The following LRP1B variants were observed in gnomAD, a reference collection of about 807,000 sequenced individuals.
The protein encoded by LRP1B is low-density lipoprotein receptor-related protein 1B.
Under a neutral mutation model 556.6 loss-of-function variants are expected in LRP1B, and 217 were observed. The ratio of observed to expected loss-of-function variants is 0.39; its 90% CI spans 0.35 to 0.44. The LOEUF (loss-of-function observed/expected upper bound fraction) is 0.44. LRP1B is among the 20% of genes least tolerant of loss of function. The probability of loss-of-function intolerance (pLI) is 1.00; values close to 1 mark genes in which losing one functional copy is unlikely to be tolerated. For synonymous variants in LRP1B, 2,047 were observed against 1,865.8 expected (o/e 1.10, Z -2.50); for missense variants, 5,053 against 5,620.8 (o/e 0.90, Z 3.23).
At chr2:140,463,477 C>A (rs572005175) in intron 60 of LRP1B, among the ~76,000 whole-genome samples, 1 of 152,262 alleles carries the variant, frequency 6.6e-6, no homozygotes, top group African/African-American at 2.4e-5. Context: ...CCTCTGTGAA[C>A]ATTTTGCCTG....
chr2:141,058,773 C>T (rs773618424), intron 9 of LRP1B, 110 bp downstream of exon 9: 7 of 827,346 alleles, frequency 8.5e-6, no homozygotes, highest in East Asian at 3.2e-5. Flanking sequence ...CTTTTGCTGT[C>T]AAAGCAGAGA....
intron 1 of LRP1B, among the ~76,000 whole-genome samples, chr2:142,003,836 T>C (rs977577977): frequency 1.3e-4 from 20 of 152,356 alleles, no homozygotes; most frequent in Non-Finnish European, 2.5e-4. Context: ...AGTTTTCTTA[T>C]GAACATGGGC....
At chr2:141,964,851 C>T (rs1317547680) in intron 1 of LRP1B, among the ~76,000 whole-genome samples, 1 of 151,506 alleles carries the variant, frequency 6.6e-6, no homozygotes, top group Non-Finnish European at 1.5e-5. Flanking sequence ...ACTCATCTGA[C>T]AAAGGGCTAA....
rs1016540501 is a variant in LRP1B at position 141,665,094 on chromosome 2, A to G, written c.205+145185T>C. Among the ~76,000 whole-genome samples, 4 of 152,290 alleles carry G rather than the reference A, an allele frequency of 2.6e-5. No homozygotes were observed. In the South Asian group the frequency reaches 8.3e-4, roughly 32 times the overall value. ...AATCTTTAACAAACCTGACAGAAAC[A>G]AGCAATGGGGAAAGGATTCCCTATT... is the stretch of plus-strand genomic sequence containing the variant. On this transcript the variant is annotated intron_variant, in intron 2 of 90. Transcript: ENST00000389484.
intron 18 of LRP1B, among the ~76,000 whole-genome samples, chr2:140,969,461 T>C (rs1196269098): frequency 1.8e-5 from 1 of 56,440 alleles, no homozygotes; most frequent in East Asian, 4.3e-4. Flanking sequence ...AGCACACTGA[T>C]GGGTCTTGAC....
intron 14 of LRP1B, among the ~76,000 whole-genome samples, chr2:141,013,124 A>C (rs964535849): frequency 5.9e-5 from 9 of 151,986 alleles, no homozygotes; most frequent in Non-Finnish European, 1.5e-5. Flanking sequence ...AACTAATTAT[A>C]AACTTACTAA....
chr2:141,038,756 A>G (rs1294741479), intron 11 of LRP1B, among the ~76,000 whole-genome samples: 1 of 152,110 alleles, frequency 6.6e-6, no homozygotes, highest in African/African-American at 2.4e-5. Flanking sequence ...TAAAGTTCAT[A>G]ATAGTATTCC....
rs115700203 is a variant in LRP1B, at chr2:141,669,392, T to C, written c.205+140887A>G. On this transcript the variant is annotated intron_variant, in intron 2 of 90. Transcript: ENST00000389484. ...TCTAGCCCCCAGAAATCCTAGAAAATAAATTTCTATTGTTTAAGCCACCCA... is the reference window on the plus strand; with the variant it reads ...TCTAGCCCCCAGAAATCCTAGAAAACAAATTTCTATTGTTTAAGCCACCCA... Among the ~76,000 whole-genome samples the C allele has an allele frequency of 8.1e-3, 1,235 of 152,028 alleles. 5 individuals are homozygous for C. The highest frequency in any genetic ancestry group is 0.013 in the Non-Finnish European group (892 of 67,964).
intron 1 of LRP1B, among the ~76,000 whole-genome samples, chr2:142,126,179 G>A (rs1707644314): frequency 6.6e-6 from 1 of 151,622 alleles, no homozygotes; most frequent in Non-Finnish European, 1.5e-5. Flanking sequence ...GTCAGATTCT[G>A]TTAAAACAAA....
intron 7 of LRP1B, among the ~76,000 whole-genome samples, chr2:141,117,771 T>C (rs1700943069): frequency 6.6e-6 from 1 of 152,018 alleles, no homozygotes; most frequent in South Asian, 2.1e-4. Flanking sequence ...CTTCAAATCA[T>C]GCAAGTTTGA....
chr2:140,553,952 A>T (rs1185639896), intron 43 of LRP1B, among the ~76,000 whole-genome samples: 4 of 152,040 alleles, frequency 2.6e-5, no homozygotes, highest in Non-Finnish European at 5.9e-5. Flanking sequence ...CCAGAAGCCG[A>T]CGGGAAAGAG....
At chr2:140,657,757 G>T (rs974317758) in intron 41 of LRP1B, among the ~76,000 whole-genome samples, 2 of 151,398 alleles carry the variant, frequency 1.3e-5, no homozygotes, top group African/African-American at 4.8e-5. Flanking sequence ...ATGTACTCAT[G>T]ATGTGTCACT....
intron 41 of LRP1B, among the ~76,000 whole-genome samples, chr2:140,635,003 T>G (rs1231407039): frequency 6.6e-6 from 1 of 152,068 alleles, no homozygotes; most frequent in Non-Finnish European, 1.5e-5. Context: ...AACAAACACA[T>G]GACAGTAATA....
intron 43 of LRP1B, among the ~76,000 whole-genome samples, chr2:140,547,083 A>G (rs1474053730): frequency 6.6e-6 from 1 of 152,068 alleles, no homozygotes; most frequent in Admixed American, 6.6e-5. Flanking sequence ...TTTGCTATCA[A>G]TGTTCATCAA....
intron 86 of LRP1B, among the ~76,000 whole-genome samples, chr2:140,268,864 C>T (rs568298583): frequency 1.2e-4 from 18 of 151,422 alleles, no homozygotes; most frequent in Middle Eastern, 3.4e-3. Context: ...GGGCAGTTCT[C>T]GGTAAAATTT....
At chr2:141,618,253 A>C (rs1452370762) in intron 2 of LRP1B, among the ~76,000 whole-genome samples, 5 of 152,178 alleles carry the variant, frequency 3.3e-5, no homozygotes, top group African/African-American at 4.8e-5. Context: ...TGATTACAGC[A>C]AAAGGCAACT....
chr2:141,111,183 C>T (rs990113461), intron 7 of LRP1B, among the ~76,000 whole-genome samples: 5 of 151,748 alleles, frequency 3.3e-5, no homozygotes, highest in African/African-American at 1.2e-4. Context: ...TCAAAAATGT[C>T]AGAAAAAAAT....
intron 2 of LRP1B, among the ~76,000 whole-genome samples, chr2:141,665,296 A>G (rs1690383692): frequency 6.6e-6 from 1 of 152,234 alleles, no homozygotes; most frequent in Non-Finnish European, 1.5e-5. Context: ...ATCTCAAAAG[A>G]AGACATACAT....
intron 2 of LRP1B, among the ~76,000 whole-genome samples, chr2:141,790,801 A>C (rs531743747): frequency 2.7e-4 from 41 of 152,160 alleles, no homozygotes; most frequent in African/African-American, 9.9e-4. Context: ...ATAGACGTTA[A>C]AGTTAAAAAG....
Sources: gnomAD v4.1 joint callset for allele counts (sites outside exome capture counted in the v4.1 genomes callset) on GRCh38, gnomAD v4.1.1 for gene constraint, MANE v1.5 for transcripts, NCBI Gene and HGNC (gene_info 2026-07-23, HGNC 2026-07-21) for gene names.